PNPLA7: variants seen among roughly 807,000 people sequenced by gnomAD.
PNPLA7 encodes the protein patatin-like phospholipase domain-containing protein 7.
A neutral mutation model predicts 161.7 loss-of-function variants in PNPLA7; 153 were observed. The ratio of observed to expected loss-of-function variants is 0.95; its 90% CI spans 0.83 to 1.08. PNPLA7 has a LOEUF of 1.08. PNPLA7 is among the 50% of genes least tolerant of loss of function. The probability of loss-of-function intolerance (pLI) is 0.00; values close to 1 mark genes in which losing one functional copy is unlikely to be tolerated. For synonymous variants in PNPLA7, 809 were observed against 782.1 expected (o/e 1.03, Z -0.57); for missense variants, 1,739 against 1,856.6 (o/e 0.94, Z 1.16).
At chr9:137,501,603 C>T (rs576480717) in intron 15 of PNPLA7, 47 bp downstream of exon 15, 3 of 1,568,818 alleles carry the variant, frequency 1.9e-6, no homozygotes, top group Non-Finnish European at 8.7e-7. Flanking sequence ...TGGCACTGGG[C>T]TATGGCATTG....
chr9:137,489,031 CTG>C (rs1832639300), intron 20 of PNPLA7, among the ~76,000 whole-genome samples: 1 of 147,022 alleles, frequency 6.8e-6, no homozygotes, highest in Non-Finnish European at 1.5e-5. Context: ...ATCCCCCCAA[CTG>C]TGCACCCGCT....
At chr9:137,475,698 A>C (rs1247593936) in intron 25 of PNPLA7, among the ~76,000 whole-genome samples, 1 of 152,088 alleles carries the variant, frequency 6.6e-6, no homozygotes, top group Admixed American at 6.5e-5. Flanking sequence ...TTTTTAAAAA[A>C]AAAGAATCTC....
Position 137,508,303 on chromosome 9 carries a change from C to T in PNPLA7, c.1226-2220G>A, listed in dbSNP as rs1415701137. ...GATGTATCAGCCGGGCGCGGCAGCT[C>T]ACGCCTGGAATCCCAGCACTTTGGG... On this transcript the variant is annotated intron_variant, in intron 12 of 34. Transcript: ENST00000406427. Among the ~76,000 whole-genome samples the T allele has an allele frequency of 4.6e-5, 7 of 152,324 alleles. No individual in the cohort carries two copies. The East Asian group carries it at 7.7e-4, about 17-fold the overall frequency.
At chr9:137,509,847 T>G (rs1286534580) in intron 12 of PNPLA7, 1 of 404,128 alleles carries the variant, frequency 2.5e-6, no homozygotes, top group African/African-American at 2.1e-5. Context: ...AAAACAAGAA[T>G]AGTTATACCA....
At position 137,480,321 on chromosome 9, in the gene PNPLA7, T is replaced by C; in HGVS notation, c.2571A>G (p.Thr857=). ...CCCTCCCCGTGCTCACCTCGCCCAC[T>C]GTGGGCTCCTGGTCACCCAGGCCCA... The part of the protein sequence containing the change: ...LIVGLGDQEP[T]VGELERMLES... The change falls in exon 23 of 35, where the codon ACA becomes ACG. Residue 857 remains threonine, a synonymous_variant. Coordinates refer to ENST00000406427, the MANE Select transcript of PNPLA7 (RefSeq NM_001098537.3). The C allele has an allele frequency of 1.2e-6, 2 of 1,612,330 alleles. No individual in the cohort carries two copies. The highest frequency in any genetic ancestry group is 2.2e-5 in the East Asian group (1 of 44,830).
chr9:137,461,559 G>C lies in PNPLA7; in HGVS notation c.3818C>G (p.Pro1273Arg). ...ACCATCCACCATGGCGGGCTTGGCG[G>C]GCTCAATGCGAGACACAATTTCGGC... ...DLAEIVSRIE[P>R]AKPAMVDDES... Residue 1273 changes from proline to arginine, a missense_variant, in exon 33 of 35, where the codon CCC becomes CGC. By Grantham distance (103) the Pro-to-Arg change is moderately radical. Transcript: ENST00000406427. 1 of 1,612,706 alleles carries C rather than the reference G, an allele frequency of 6.2e-7. No homozygotes were observed. The highest frequency in any genetic ancestry group is 8.5e-7 in the Non-Finnish European group (1 of 1,179,602).
intron 12 of PNPLA7, chr9:137,509,445 TGAATGAGTTTAGCTGGTAC>T (rs1834095354): frequency 1.5e-5 from 3 of 206,060 alleles, no homozygotes; most frequent in South Asian, 6.3e-5. Flanking sequence ...TTAGCTGGTA[TGAATGAGTTTAGCTGGTAC>T]GAATGAGTTT....
At chr9:137,487,901 C>T (rs1024548650) in intron 20 of PNPLA7, among the ~76,000 whole-genome samples, 4 of 152,364 alleles carry the variant, frequency 2.6e-5, no homozygotes, top group East Asian at 3.9e-4. Flanking sequence ...CTTCACCGCA[C>T]GCACTTCAGC....
At chr9:137,509,121 T>A (rs1470807384) in intron 12 of PNPLA7, 3 of 154,244 alleles carry the variant, frequency 1.9e-5, no homozygotes, top group Non-Finnish European at 4.4e-5. Flanking sequence ...ATGAGTTTAA[T>A]TGGCATGAGT....
chr9:137,522,789 T>G lies in PNPLA7; in HGVS notation c.816A>C (p.Pro272=). Residue 272 remains proline, a synonymous_variant, in exon 9 of 35, where the codon CCA becomes CCC. Transcript: ENST00000406427. ...AAIPSTILRL[P]AAAFHGVFEK... ...CAAAAACTCCATGAAAAGCCGCAGC[T>G]GGAAGCCGGAGGATGGTGGACGGGA... The G allele has an allele frequency of 6.2e-7, 1 of 1,613,848 alleles. No individual in the cohort carries two copies. Among genetic ancestry groups the G allele is most frequent in the Non-Finnish European group, 8.5e-7 (1 of 1,179,978 alleles).
intron 20 of PNPLA7, among the ~76,000 whole-genome samples, chr9:137,488,637 CGGAG>C (rs1832613259): frequency 1.3e-5 from 2 of 152,132 alleles, no homozygotes; most frequent in South Asian, 4.1e-4. Context: ...CTGCCACAGA[CGGAG>C]GGGTCTGTCC....
At chr9:137,461,689 TG>T in intron 32 of PNPLA7, 69 bp from the exon 33 acceptor site, 2 of 1,475,154 alleles carry the variant, frequency 1.4e-6, no homozygotes, top group Non-Finnish European at 9.3e-7. Flanking sequence ...CTGCTTCCTG[TG>T]GGGAGGCCCC....
chr9:137,545,183 C>T (rs1836428793), intron 4 of PNPLA7, among the ~76,000 whole-genome samples: 1 of 152,152 alleles, frequency 6.6e-6, no homozygotes, highest in African/African-American at 2.4e-5. Context: ...CAGATCGGGG[C>T]TTGTGAAACT....
intron 12 of PNPLA7, among the ~76,000 whole-genome samples, 193 bp downstream of exon 12, chr9:137,515,186 C>A (rs1834463330): frequency 6.6e-6 from 1 of 152,110 alleles, no homozygotes; most frequent in Non-Finnish European, 1.5e-5. Flanking sequence ...CCAGGGTGTT[C>A]TGGGCGGCAG....
At chr9:137,461,768 G>C (rs1412080332) in intron 32 of PNPLA7, 148 bp from the exon 33 acceptor site, 2 of 1,165,684 alleles carry the variant, frequency 1.7e-6, no homozygotes, top group East Asian at 5.2e-5. Context: ...GGGGAGATGC[G>C]CAGTCCTGAG....
intron 31 of PNPLA7, 36 bp downstream of exon 31, chr9:137,462,143 C>A: frequency 6.5e-7 from 1 of 1,536,020 alleles, no homozygotes; most frequent in East Asian, 2.4e-5. Flanking sequence ...AGAGTGCCTC[C>A]GCCCGCCTCC....
At chr9:137,461,387 G>A (rs1831185854) in intron 33 of PNPLA7, 149 bp downstream of exon 33, 1 of 839,064 alleles carries the variant, frequency 1.2e-6, no homozygotes, top group African/African-American at 1.7e-5. Flanking sequence ...GGACGGAGGA[G>A]TGCCACCAAG....
intron 8 of PNPLA7, among the ~76,000 whole-genome samples, chr9:137,526,116 G>T (rs1283935659): frequency 6.6e-6 from 1 of 151,962 alleles, no homozygotes; most frequent in Non-Finnish European, 1.5e-5. Flanking sequence ...TTCTTATTCT[G>T]TATATTTTCT....
intron 20 of PNPLA7, among the ~76,000 whole-genome samples, chr9:137,488,065 C>A (rs1405376108): frequency 1.3e-5 from 2 of 152,274 alleles, no homozygotes; most frequent in African/African-American, 4.8e-5. Flanking sequence ...TGCACACACA[C>A]ACCAAAGTGC....
Sources: allele counts gnomAD v4.1 joint callset (sites outside exome capture counted in the v4.1 genomes callset), GRCh38; gene constraint gnomAD v4.1.1; transcripts MANE v1.5; gene names NCBI Gene and HGNC (gene_info 2026-07-23, HGNC 2026-07-21).